MTUS1: variants seen among roughly 807,000 people sequenced by gnomAD.
MTUS1 encodes the protein microtubule associated scaffold protein 1.
MTUS1 carries 109 observed loss-of-function variants against 120.8 expected under a neutral mutation model. That is an observed-to-expected ratio of 0.90 (90% confidence interval 0.77 to 1.06). The LOEUF is 1.06. MTUS1 is among the 50% of genes least tolerant of loss of function. MTUS1 has a pLI of 0.00. For synonymous variants in MTUS1, 737 were observed against 550.5 expected (o/e 1.34, Z -4.74); for missense variants, 2,210 against 1,486.3 (o/e 1.49, Z -8.01).
chr8:17,649,749 A>T, intron 13 of MTUS1, 97 bp downstream of exon 13: 1 of 705,776 alleles, frequency 1.4e-6, no homozygotes, highest in Non-Finnish European at 2.5e-6. Context: ...TATCTTTAGG[A>T]GCAGTTAACC....
intron 12 of MTUS1, chr8:17,651,699 G>C (rs763866769): frequency 1.3e-5 from 2 of 152,174 alleles, no homozygotes; most frequent in East Asian, 1.9e-4. Flanking sequence ...ACTACAGTCA[G>C]ACGCACTCTT....
At chr8:17,766,983 T>A (rs566796788) in intron 1 of MTUS1, among the ~76,000 whole-genome samples, 13 of 152,248 alleles carry the variant, frequency 8.5e-5, no homozygotes, top group Non-Finnish European at 1.6e-4. Context: ...ATCAGTATAT[T>A]TGAGAATTAT....
At chr8:17,648,563 T>G (rs1430713841) in intron 13 of MTUS1, among the ~76,000 whole-genome samples, 1 of 152,226 alleles carries the variant, frequency 6.6e-6, no homozygotes, top group African/African-American at 2.4e-5. Context: ...GTATGTATAC[T>G]AGGTTGGCCC....
At chr8:17,749,025 T>A (rs1015588089) in intron 2 of MTUS1, among the ~76,000 whole-genome samples, 5 of 152,072 alleles carry the variant, frequency 3.3e-5, no homozygotes, top group Admixed American at 2.0e-4. Flanking sequence ...CCCCCAACCA[T>A]CTGAAGGGAC....
intron 3 of MTUS1, among the ~76,000 whole-genome samples, chr8:17,731,764 G>A (rs1327885459): frequency 6.6e-6 from 1 of 152,160 alleles, no homozygotes; most frequent in Non-Finnish European, 1.5e-5. Context: ...GTGAGCGAAA[G>A]CTCTTGATGA....
rs1208498836 is a variant in MTUS1, at chr8:17,684,399, T to C, written c.2767A>G (p.Lys923Glu). 2 of 1,614,114 alleles carry C rather than the reference T, an allele frequency of 1.2e-6. No individual in the cohort carries two copies. The highest frequency in any genetic ancestry group is 1.7e-6 in the Non-Finnish European group (2 of 1,180,046). ...ENQSGFILQL[K>E]QLLACGNTKF... ...GTATTACCACAGGCAAGAAGCTGCTTGAGCTGCAGGATAAATCCACTTTGG... is the reference window on the plus strand; with the variant it reads ...GTATTACCACAGGCAAGAAGCTGCTCGAGCTGCAGGATAAATCCACTTTGG... Residue 923 changes from lysine (K) to glutamate (E), a missense_variant, in exon 7 of 15, where the codon AAG (lysine) becomes GAG (glutamate). Lys to Glu is a moderately conservative substitution (Grantham distance 56). Coordinates refer to ENST00000693296, the MANE Select transcript of MTUS1 (RefSeq NM_001363059.2).
chr8:17,782,618 A>G (rs941606774), intron 1 of MTUS1, among the ~76,000 whole-genome samples: 34 of 152,360 alleles, frequency 2.2e-4, no homozygotes, highest in African/African-American at 7.7e-4. Flanking sequence ...TATGTATTTC[A>G]TATCACACCT....
At chr8:17,657,818 A>AG (rs36094722) in intron 8 of MTUS1, among the ~76,000 whole-genome samples, 1 of 145,270 alleles carries the variant, frequency 6.9e-6, no homozygotes, top group East Asian at 2.0e-4. Context: ...AAAAAAAAAA[A>AG]GCAATATAAA....
At chr8:17,667,600 T>C (rs1191448178) in intron 8 of MTUS1, among the ~76,000 whole-genome samples, 1 of 152,224 alleles carries the variant, frequency 6.6e-6, no homozygotes, top group Non-Finnish European at 1.5e-5. Context: ...TTTAACAATA[T>C]TTCTTAAACT....
chr8:17,767,118 T>C (rs1262355491), intron 1 of MTUS1, among the ~76,000 whole-genome samples: 1 of 149,300 alleles, frequency 6.7e-6, no homozygotes, highest in African/African-American at 2.5e-5. Flanking sequence ...TTTAAAACTC[T>C]ATGCTGAATA....
chr8:17,647,318 A>T, intron 13 of MTUS1: 1 of 413,972 alleles, frequency 2.4e-6, no homozygotes, highest in Non-Finnish European at 4.3e-6. Flanking sequence ...ACGAGTGGGT[A>T]ACAGATTTGT....
chr8:17,675,024 A>G, intron 8 of MTUS1, 162 bp downstream of exon 8: 2 of 1,425,184 alleles, frequency 1.4e-6, no homozygotes, highest in Non-Finnish European at 1.8e-6. Flanking sequence ...AGCTGCCAAG[A>G]TTCAAAAGAA....
At chr8:17,666,046 T>C (rs1263196921) in intron 8 of MTUS1, among the ~76,000 whole-genome samples, 1 of 150,876 alleles carries the variant, frequency 6.6e-6, no homozygotes, top group East Asian at 1.9e-4. Flanking sequence ...GGCCATTTGC[T>C]GTTTTTCAGC....
At position 17,723,364 on chromosome 8, in the gene MTUS1, C is replaced by CT. The variant is rs1441162192; in HGVS notation, c.2449+307dup. 2.9e-5 allele frequency: 11 copies of CT among 382,568 alleles called. No homozygotes were observed. In the East Asian group the frequency reaches 4.8e-4, roughly 17 times the overall value. The allele number at this position is 382,568 out of a possible 1,614,324, so 23.7% of individuals were successfully genotyped here. A position where few individuals can be genotyped will look rare whatever the true frequency, so the allele number is the denominator to read the frequency against. ...GCAAAGTAAATGAAACTGAAATAAT[C>CT]TTTTTTTCTGATTCCAGTTAGAGTC... is the stretch of plus-strand genomic sequence containing the variant. On this transcript the variant is annotated intron_variant, in intron 4 of 14. Transcript: ENST00000693296.
At chr8:17,734,676 G>C (rs548747263) in intron 3 of MTUS1, among the ~76,000 whole-genome samples, 1 of 152,234 alleles carries the variant, frequency 6.6e-6, no homozygotes, top group South Asian at 2.1e-4. Context: ...ATAAACCAAA[G>C]ACTTAAAGGT....
At chr8:17,722,091 C>T in intron 4 of MTUS1, 3 of 1,325,924 alleles carry the variant, frequency 2.3e-6, no homozygotes, top group Non-Finnish European at 2.9e-6. Flanking sequence ...GATTTGAATG[C>T]TTAATCCGCA....
intron 8 of MTUS1, among the ~76,000 whole-genome samples, chr8:17,666,814 T>C (rs1036178125): frequency 6.6e-6 from 1 of 152,174 alleles, no homozygotes; most frequent in Non-Finnish European, 1.5e-5. Context: ...CACCTATTAC[T>C]ATTCCTTAAA....
At chr8:17,783,517 T>G (rs1028911698) in intron 1 of MTUS1, among the ~76,000 whole-genome samples, 7 of 151,654 alleles carry the variant, frequency 4.6e-5, no homozygotes, top group African/African-American at 1.7e-4. Context: ...GAGGAGATGA[T>G]GTAATTTTTT....
chr8:17,762,483 C>A (rs1020530321), intron 1 of MTUS1, among the ~76,000 whole-genome samples: 2 of 152,194 alleles, frequency 1.3e-5, no homozygotes, highest in African/African-American at 4.8e-5. Context: ...GCCTACCTTT[C>A]ATCAAACTTA....
Sources: allele counts gnomAD v4.1 joint callset (sites outside exome capture counted in the v4.1 genomes callset), GRCh38; gene constraint gnomAD v4.1.1; transcripts MANE v1.5; gene names NCBI Gene and HGNC (gene_info 2026-07-23, HGNC 2026-07-21).